PRKCB: variants seen among roughly 807,000 people sequenced by gnomAD.
The protein encoded by PRKCB is protein kinase C beta type.
In PRKCB, 13 loss-of-function variants were observed where a neutral mutation model predicts 81.5. The ratio of observed to expected loss-of-function variants is 0.16; its 90% CI spans 0.10 to 0.25. The LOEUF is 0.25. Ranked by LOEUF, PRKCB falls within the 10% of genes least tolerant of loss-of-function variation. The pLI, the probability that PRKCB is intolerant of heterozygous loss-of-function variation, is 1.00. For synonymous variants in PRKCB, 335 were observed against 321.4 expected (o/e 1.04, Z -0.45); for missense variants, 509 against 875.7 (o/e 0.58, Z 5.29).
At chr16:24,111,461 A>G (rs1966675236) in intron 7 of PRKCB, 1 of 152,038 alleles carries the variant, frequency 6.6e-6, no homozygotes, top group African/African-American at 2.4e-5. Context: ...CTTTGTGGTC[A>G]AGAAACAAAC....
At chr16:24,021,515 G>A (rs1259229172) in intron 3 of PRKCB, among the ~76,000 whole-genome samples, 1 of 151,680 alleles carries the variant, frequency 6.6e-6, no homozygotes, top group Non-Finnish European at 1.5e-5. Flanking sequence ...GGGTGGCAGG[G>A]ACCCAAGTAC....
intron 7 of PRKCB, among the ~76,000 whole-genome samples, chr16:24,101,470 T>C (rs1163640514): frequency 2.0e-5 from 3 of 152,116 alleles, no homozygotes; most frequent in Non-Finnish European, 4.4e-5. Flanking sequence ...GCCCAGGAGG[T>C]TGAGGCTGCA....
intron 5 of PRKCB, among the ~76,000 whole-genome samples, chr16:24,048,583 T>C (rs1408375849): frequency 6.6e-6 from 1 of 151,960 alleles, no homozygotes; most frequent in East Asian, 1.9e-4. Flanking sequence ...TCCGCCTCCC[T>C]GGTTCCAGCG....
intron 5 of PRKCB, among the ~76,000 whole-genome samples, chr16:24,050,141 C>T (rs573858393): frequency 6.6e-6 from 1 of 152,212 alleles, no homozygotes; most frequent in African/African-American, 2.4e-5. Context: ...CAGCCTTCCA[C>T]TAATTCAAAG....
intron 9 of PRKCB, among the ~76,000 whole-genome samples, chr16:24,135,515 G>A (rs1416673681): frequency 6.6e-6 from 1 of 151,912 alleles, no homozygotes; most frequent in Non-Finnish European, 1.5e-5. Flanking sequence ...GTTTCACCAT[G>A]TTGGCCAGGC....
At chr16:23,891,020 TG>T (rs398029039) in intron 2 of PRKCB, among the ~76,000 whole-genome samples, 1 of 143,522 alleles carries the variant, frequency 7.0e-6, no homozygotes, top group East Asian at 2.0e-4. Flanking sequence ...TGTGTGTGTG[TG>T]TATATATATA....
At chr16:23,887,082 T>C (rs1963215131) in intron 2 of PRKCB, among the ~76,000 whole-genome samples, 1 of 152,232 alleles carries the variant, frequency 6.6e-6, no homozygotes, top group Non-Finnish European at 1.5e-5. Context: ...TTCTCTCTCT[T>C]TCTTTCCTTC....
At chr16:24,071,575 G>A (rs1391136143) in intron 5 of PRKCB, among the ~76,000 whole-genome samples, 1 of 151,972 alleles carries the variant, frequency 6.6e-6, no homozygotes, top group Admixed American at 6.6e-5. Context: ...ACTCAACAGG[G>A]CCAGTGGTTC....
chr16:23,965,162 G>T (rs1036212372), intron 2 of PRKCB, among the ~76,000 whole-genome samples: 1 of 152,174 alleles, frequency 6.6e-6, no homozygotes, highest in African/African-American at 2.4e-5. Flanking sequence ...CACCCTCAAG[G>T]AGGTCTCAGT....
rs1567357603 is a variant in PRKCB, at chr16:24,051,629, A to T, written c.529+16082A>T. 2.6e-5 allele frequency among the ~76,000 whole-genome samples: 4 copies of T among 152,014 alleles called. No homozygotes were observed. The East Asian group carries it at 7.7e-4, about 29-fold the overall frequency. The stretch of plus-strand genomic sequence containing the variant: ...GTGGCTCATGCCTGTAATCCCAGAG[A>T]CTCAGGAGGCTGAGGTGAAGAATCA... On this transcript the variant is annotated intron_variant, in intron 5 of 16. Coordinates refer to ENST00000643927, the MANE Select transcript of PRKCB (RefSeq NM_002738.7).
At chr16:24,140,817 G>C (rs1216683038) in intron 9 of PRKCB, among the ~76,000 whole-genome samples, 1 of 152,126 alleles carries the variant, frequency 6.6e-6, no homozygotes, top group Non-Finnish European at 1.5e-5. Context: ...CCGAATTCAG[G>C]CTCCTTTCAT....
At chr16:23,877,985 C>T (rs1407772237) in intron 2 of PRKCB, among the ~76,000 whole-genome samples, 2 of 152,120 alleles carry the variant, frequency 1.3e-5, no homozygotes, top group Non-Finnish European at 2.9e-5. Context: ...AGGCATGCAC[C>T]ACCACTCCTG....
At chr16:23,903,032 T>G (rs1963507628) in intron 2 of PRKCB, among the ~76,000 whole-genome samples, 1 of 149,210 alleles carries the variant, frequency 6.7e-6, no homozygotes, top group African/African-American at 2.5e-5. Context: ...AAAGTCTTGC[T>G]ATGTTGCATG....
chr16:24,019,428 A>G (rs1427621953), intron 3 of PRKCB, among the ~76,000 whole-genome samples: 2 of 152,192 alleles, frequency 1.3e-5, no homozygotes, highest in Admixed American at 1.3e-4. Context: ...CATGTAATAT[A>G]CACACCTCAG....
At chr16:24,088,701 C>T (rs943257744) in intron 5 of PRKCB, among the ~76,000 whole-genome samples, 35 of 135,704 alleles carry the variant, frequency 2.6e-4, no homozygotes, top group African/African-American at 9.3e-4. Flanking sequence ...CGCACTCCAG[C>T]GAGACCCTGT....
intron 15 of PRKCB, among the ~76,000 whole-genome samples, chr16:24,190,150 C>T (rs1967768316): frequency 6.6e-6 from 1 of 152,172 alleles, no homozygotes; most frequent in Non-Finnish European, 1.5e-5. Flanking sequence ...CCAAAGAAAC[C>T]TCAGCGGCTT....
chr16:24,206,973 C>T (rs1401774610), intron 16 of PRKCB, among the ~76,000 whole-genome samples: 8 of 152,220 alleles, frequency 5.3e-5, no homozygotes, highest in Non-Finnish European at 1.0e-4. Context: ...CTCTGTCACC[C>T]AGGCTGAAGT....
chr16:24,063,559 T>C (rs887037603), intron 5 of PRKCB, among the ~76,000 whole-genome samples: 1 of 151,944 alleles, frequency 6.6e-6, no homozygotes, highest in African/African-American at 2.4e-5. Flanking sequence ...CCTCTCAGAG[T>C]GCTGGGATTA....
intron 2 of PRKCB, among the ~76,000 whole-genome samples, chr16:23,960,117 G>A (rs1248527985): frequency 6.6e-6 from 1 of 152,134 alleles, no homozygotes; most frequent in East Asian, 1.9e-4. Context: ...GATGATTAAT[G>A]TCCCCCAGGG....
Sources: allele counts gnomAD v4.1 joint callset (sites outside exome capture counted in the v4.1 genomes callset), GRCh38; gene constraint gnomAD v4.1.1; transcripts MANE v1.5; gene names NCBI Gene and HGNC (gene_info 2026-07-23, HGNC 2026-07-21).